Variants in TBC1D17 observed in about 807,000 individuals in gnomAD.
TBC1D17 encodes the protein TBC1 domain family member 17.
TBC1D17 carries 69 observed loss-of-function variants against 78.8 expected under a neutral mutation model. The observed-to-expected ratio is 0.88, with a 90% CI of 0.72 to 1.07. The LOEUF is 1.07. TBC1D17 is among the 50% of genes least tolerant of loss of function. TBC1D17 has a pLI of 0.00. For missense variants in TBC1D17, 957 were observed against 861.0 expected (o/e 1.11, Z -1.39); for synonymous variants, 456 against 358.3 (o/e 1.27, Z -3.08).
Position 49,880,422 on chromosome 19 carries a change from C to G in TBC1D17, c.319+20C>G, listed in dbSNP as rs557011887. ...CGAGAGGTAGGCTGAGGTGGCGGCC[C>G]TTGAGAAGCACGTGTGGGCCAGGTA... On this transcript the variant is annotated intron_variant, in intron 4 of 16. Transcript: ENST00000221543. 3 of 1,611,734 alleles carry G rather than the reference C, an allele frequency of 1.9e-6. No individual in the cohort carries two copies. Among genetic ancestry groups the G allele is most frequent in the East Asian group, 2.2e-5 (1 of 44,794 alleles).
At chr19:49,884,873 C>T (rs1413234565) in intron 13 of TBC1D17, 115 bp downstream of exon 13, 10 of 871,760 alleles carry the variant, frequency 1.1e-5, no homozygotes, top group African/African-American at 3.3e-5. Context: ...ACAAGAGAAA[C>T]ATCCCCACAC....
At chr19:49,880,591 G>T (rs2075004511) in intron 4 of TBC1D17, among the ~76,000 whole-genome samples, 189 bp downstream of exon 4, 2 of 152,276 alleles carry the variant, frequency 1.3e-5, no homozygotes, top group African/African-American at 4.8e-5. Flanking sequence ...AACATGGCCA[G>T]TGTCTCTGAG....
intron 13 of TBC1D17, chr19:49,886,797 A>AT (rs968781471): frequency 1.4e-4 from 21 of 150,416 alleles, no homozygotes; most frequent in East Asian, 2.0e-4. Flanking sequence ...CACCAGCTTA[A>AT]TTTTTTTTTT....
rs537329465 is a variant in TBC1D17, at chr19:49,881,433, G to A, written c.485G>A (p.Arg162His). 24 of 1,611,854 alleles carry A rather than the reference G, an allele frequency of 1.5e-5. No individual in the cohort carries two copies. Among genetic ancestry groups the A allele is most frequent in the Admixed American group, 5.0e-5 (3 of 59,988 alleles). Residue 162 changes from arginine to histidine, a missense_variant, in exon 5 of 17, where the codon CGC becomes CAC. Coordinates refer to ENST00000221543, the MANE Select transcript of TBC1D17 (RefSeq NM_024682.3). ...CTGCACTTCCACCGCGGGGGCACCC[G>A]CGCCCTGCTCCGCGTCCTCAGCCGC... ...PALHFHRGGT[R>H]ALLRVLSRYL...
In TBC1D17 at chr19:49,884,642, C is replaced by G. The variant is rs775293305; in HGVS notation, c.1345-17C>G. 3.1e-6 allele frequency: 5 copies of G among 1,614,076 alleles called. No homozygotes were observed. The highest frequency in any genetic ancestry group is 2.2e-5 in the East Asian group (1 of 44,890). ...CCTCACGGGGTCTGCTCTTTCCCCCCTCCTTCCGTCCCACAGCAAGGGAAC... is the reference window on the plus strand; with the variant it reads ...CCTCACGGGGTCTGCTCTTTCCCCCGTCCTTCCGTCCCACAGCAAGGGAAC... On this transcript the variant is annotated splice_polypyrimidine_tract_variant and intron_variant, in intron 12 of 16. Transcript: ENST00000221543.
At chr19:49,878,420 GTT>G in intron 2 of TBC1D17, 76 bp from the exon 3 acceptor site, 1 of 1,460,816 alleles carries the variant, frequency 6.8e-7, no homozygotes, top group South Asian at 1.1e-5. Flanking sequence ...AACTGGGAAA[GTT>G]TGGAAATTTG....
At position 49,884,496 on chromosome 19, in the gene TBC1D17, C is replaced by T. The variant is rs1450188960; in HGVS notation, c.1281C>T (p.Ile427=). ...GCATGAGTGATCTTCTCTCCCCGAT[C>T]CTCTACGTCATTCAGAACGAGGTGG... ...VQGMSDLLSP[I]LYVIQNEVDA... is the part of the protein sequence containing the mutation. The change falls in exon 12 of 17, where the codon ATC becomes ATT. Residue 427 remains isoleucine (I), a synonymous_variant. Transcript: ENST00000221543. 2.5e-6 allele frequency: 4 copies of T among 1,614,178 alleles called. No homozygotes were observed. The highest frequency in any genetic ancestry group is 3.4e-6 in the Non-Finnish European group (4 of 1,180,030).
rs553201778 is a variant in TBC1D17 at position 49,878,006 on chromosome 19, C to G, written c.22-137C>G. Reference sequence around the variant, plus strand: ...ATCCGAACGCGGGCTGGACCATTCTCCCCGCCTTGGTCCCGGGGCAATGGC... The same window carrying G: ...ATCCGAACGCGGGCTGGACCATTCTGCCCGCCTTGGTCCCGGGGCAATGGC... On this transcript the variant is annotated intron_variant, in intron 1 of 16. Coordinates refer to ENST00000221543, the MANE Select transcript of TBC1D17 (RefSeq NM_024682.3). 4 of 801,148 alleles carry G rather than the reference C, an allele frequency of 5.0e-6. No homozygotes were observed. The South Asian group carries it at 5.4e-5, about 11-fold the overall frequency. The allele number at this position is 801,148 out of a possible 1,614,324, so 49.6% of individuals were successfully genotyped here. A position where few individuals can be genotyped will look rare whatever the true frequency, so the allele number is the denominator to read the frequency against.
At chr19:49,886,333 G>A (rs1479224933) in intron 13 of TBC1D17, among the ~76,000 whole-genome samples, 1 of 152,180 alleles carries the variant, frequency 6.6e-6, no homozygotes, top group African/African-American at 2.4e-5. Flanking sequence ...ATGATAATAA[G>A]TTAAACTTAT....
At chr19:49,887,249 C>T (rs2075066089) in intron 13 of TBC1D17, 1 of 544,274 alleles carries the variant, frequency 1.8e-6, no homozygotes. Context: ...GCCTCCCTTC[C>T]ATGTCCATGG....
At chr19:49,884,879 C>T in intron 13 of TBC1D17, 121 bp downstream of exon 13, 1 of 846,990 alleles carries the variant, frequency 1.2e-6, no homozygotes, top group Admixed American at 2.3e-5. Flanking sequence ...GAAACATCCC[C>T]ACACAACCTA....
At chr19:49,887,347 C>T in intron 13 of TBC1D17, 129 bp from the exon 14 acceptor site, 1 of 914,926 alleles carries the variant, frequency 1.1e-6, no homozygotes, top group South Asian at 1.5e-5. Context: ...CCTGCCTCAC[C>T]TCCGAGGTTC....
chr19:49,880,461 C>T, intron 4 of TBC1D17, 59 bp downstream of exon 4: 2 of 1,585,602 alleles, frequency 1.3e-6, no homozygotes, highest in Admixed American at 1.7e-5. Flanking sequence ...CACATCTTGC[C>T]CTCAGTGGTC....
intron 1 of TBC1D17, 115 bp downstream of exon 1, chr19:49,877,859 C>T: frequency 9.9e-6 from 13 of 1,308,800 alleles, no homozygotes; most frequent in Non-Finnish European, 1.4e-5. Flanking sequence ...TGGCAAACAC[C>T]GATCTCTTAT....
At position 49,877,845 on chromosome 19, in the gene TBC1D17, G is replaced by C. The variant is rs2074969464; in HGVS notation, c.21+101G>C. The C allele has an allele frequency of 2.1e-6, 3 of 1,410,386 alleles. No homozygotes were observed. The Admixed American group carries it at 6.8e-5, about 32-fold the overall frequency. The allele number at this position is 1,410,386 out of a possible 1,614,324, so 87.4% of individuals were successfully genotyped here. ...CCTTGGCTCTCGAGAATCCGGCACGGCCTTGGCAAACACCGATCTCTTATA... is the reference window on the plus strand; with the variant it reads ...CCTTGGCTCTCGAGAATCCGGCACGCCCTTGGCAAACACCGATCTCTTATA... On this transcript the variant is annotated intron_variant, in intron 1 of 16. Transcript: ENST00000221543.
At position 49,882,663 on chromosome 19, in the gene TBC1D17, A is replaced by G. The variant is rs563192486; in HGVS notation, c.799-101A>G. The G allele has an allele frequency of 3.1e-5, 44 of 1,433,866 alleles. No individual in the cohort carries two copies. The East Asian group carries it at 8.1e-4, about 26-fold the overall frequency. The allele number at this position is 1,433,866 out of a possible 1,614,324, so 88.8% of individuals were successfully genotyped here. A position where few individuals can be genotyped will look rare whatever the true frequency, so the allele number is the denominator to read the frequency against. ...TGCTGCCTGCCCCTGAATGTTAGTC[A>G]TCCGTCAAGCTAATAAGCTCTCTGA... On this transcript the variant is annotated intron_variant, in intron 7 of 16. Coordinates refer to ENST00000221543, the MANE Select transcript of TBC1D17 (RefSeq NM_024682.3).
chr19:49,885,449 C>CAAAAAA (rs71180658), intron 13 of TBC1D17: 1 of 96,428 alleles, frequency 1.0e-5, no homozygotes, highest in Admixed American at 1.1e-4. Flanking sequence ...AACTCCATCT[C>CAAAAAA]AAAAAAAAAA....
chr19:49,880,000 T>A (rs1172203084), intron 3 of TBC1D17, among the ~76,000 whole-genome samples: 1 of 151,946 alleles, frequency 6.6e-6, no homozygotes, highest in East Asian at 1.9e-4. Context: ...ATTACAGGCA[T>A]GCGCCACCAT....
At chr19:49,881,008 G>A (rs898417191) in intron 4 of TBC1D17, among the ~76,000 whole-genome samples, 41 of 152,150 alleles carry the variant, frequency 2.7e-4, no homozygotes, top group African/African-American at 9.9e-4. Flanking sequence ...GAGGGGCCTC[G>A]AGTGCCAGGT....
Sources: gnomAD v4.1 joint callset for allele counts (sites outside exome capture counted in the v4.1 genomes callset) on GRCh38, gnomAD v4.1.1 for gene constraint, MANE v1.5 for transcripts, NCBI Gene and HGNC (gene_info 2026-07-23, HGNC 2026-07-21) for gene names.